Variants in VPS37A observed in about 807,000 individuals in gnomAD.
The protein encoded by VPS37A is vacuolar protein sorting-associated protein 37A.
VPS37A carries 30 observed loss-of-function variants against 49.8 expected under a neutral mutation model. The observed-to-expected ratio is 0.60, with a 90% confidence interval of 0.45 to 0.82. The LOEUF (loss-of-function observed/expected upper bound fraction) is 0.82. VPS37A is among the 40% of genes least tolerant of loss of function. The pLI is 0.00. For synonymous variants in VPS37A, 195 were observed against 160.6 expected (o/e 1.21, Z -1.62); for missense variants, 593 against 464.4 (o/e 1.28, Z -2.55).
intron 1 of VPS37A, among the ~76,000 whole-genome samples, chr8:17,251,570 C>T (rs1321577606): frequency 1.3e-5 from 2 of 151,604 alleles, no homozygotes. Context: ...AGCTTACCTA[C>T]AACTTATCTG....
intron 4 of VPS37A, among the ~76,000 whole-genome samples, chr8:17,273,859 A>G (rs1383257502): frequency 6.6e-6 from 1 of 152,234 alleles, no homozygotes; most frequent in Non-Finnish European, 1.5e-5. Context: ...ATAAAAAATT[A>G]ATACATTTTG....
intron 1 of VPS37A, among the ~76,000 whole-genome samples, chr8:17,254,283 C>T (rs1812233339): frequency 6.6e-6 from 1 of 152,118 alleles, no homozygotes; most frequent in African/African-American, 2.4e-5. Context: ...AGGAGGCTTC[C>T]TGGGGAGTCA....
intron 1 of VPS37A, among the ~76,000 whole-genome samples, chr8:17,253,557 A>G (rs1388625820): frequency 2.0e-5 from 3 of 152,178 alleles, no homozygotes; most frequent in African/African-American, 7.2e-5. Flanking sequence ...AACTTGTGTT[A>G]TTTTGTATCT....
At chr8:17,279,692 GAGTTA>G (rs1368671914) in intron 6 of VPS37A, 1 of 416,206 alleles carries the variant, frequency 2.4e-6, no homozygotes, top group Non-Finnish European at 4.7e-6. Context: ...TTCTTTACCT[GAGTTA>G]AGTTGACTTT....
At chr8:17,311,709 G>T in the VPS37A span, 2 of 1,599,608 alleles carry the variant, frequency 1.3e-6, no homozygotes, top group South Asian at 1.1e-5. Flanking sequence ...TCACAGCCAG[G>T]TTTGACTGTA....
the VPS37A span, among the ~76,000 whole-genome samples, chr8:17,327,641 TAA>T: frequency 4.7e-5 from 7 of 148,630 alleles, no homozygotes; most frequent in African/African-American, 1.7e-4. Flanking sequence ...AGAAACCTGG[TAA>T]AAAAAAAAAC....
intron 1 of VPS37A, among the ~76,000 whole-genome samples, chr8:17,251,204 G>A (rs1811943935): frequency 6.6e-6 from 1 of 152,170 alleles, no homozygotes; most frequent in African/African-American, 2.4e-5. Context: ...TGTGGAAGCA[G>A]GACTCTTGGT....
At chr8:17,283,546 C>A (rs1218983071) in intron 9 of VPS37A, among the ~76,000 whole-genome samples, 1 of 152,116 alleles carries the variant, frequency 6.6e-6, no homozygotes, top group Non-Finnish European at 1.5e-5. Flanking sequence ...AGGTAAGGGT[C>A]CAACTTTTTT....
At chr8:17,288,375 C>G (rs1404153644) in intron 11 of VPS37A, among the ~76,000 whole-genome samples, 5 of 152,064 alleles carry the variant, frequency 3.3e-5, no homozygotes, top group Non-Finnish European at 7.4e-5. Context: ...TCTCCTTGCC[C>G]CCAACTCCCC....
At chr8:17,318,975 C>T in the VPS37A span, among the ~76,000 whole-genome samples, 15 of 152,358 alleles carry the variant, frequency 9.8e-5, no homozygotes, top group African/African-American at 2.6e-4. Context: ...TCGAACTCAC[C>T]GACACTTCCA....
chr8:17,282,951 G>T (rs1815225992), intron 9 of VPS37A, among the ~76,000 whole-genome samples: 1 of 152,010 alleles, frequency 6.6e-6, no homozygotes, highest in Non-Finnish European at 1.5e-5. Flanking sequence ...CACATAATAG[G>T]TACTCAATAA....
At chr8:17,300,059 G>T (rs747210051), downstream of VPS37A, 3 of 1,614,134 alleles carry the variant, frequency 1.9e-6, no homozygotes, top group African/African-American at 1.3e-5. Context: ...TCATCGCCTT[G>T]TGAAGGGCTC....
chr8:17,302,390 G>A (rs1275795166), downstream of VPS37A: 7 of 1,231,552 alleles, frequency 5.7e-6, no homozygotes, highest in Non-Finnish European at 7.6e-6. Context: ...ATAACCAAAT[G>A]CAAATTTCAG....
the VPS37A span, among the ~76,000 whole-genome samples, chr8:17,307,599 C>T: frequency 7.2e-5 from 11 of 152,156 alleles, no homozygotes; most frequent in South Asian, 4.1e-4. Context: ...ATGTTTATAG[C>T]GGCACTATTC....
chr8:17,282,091 C>CTT (rs1317609097), intron 9 of VPS37A, among the ~76,000 whole-genome samples: 1 of 151,582 alleles, frequency 6.6e-6, no homozygotes, highest in African/African-American at 2.4e-5. Flanking sequence ...TCAGGAAGAG[C>CTT]TTGAACAAAA....
downstream of VPS37A, among the ~76,000 whole-genome samples, chr8:17,306,963 C>A (rs995782731): frequency 1.3e-5 from 2 of 152,144 alleles, no homozygotes; most frequent in African/African-American, 4.8e-5. Flanking sequence ...CAATACCATT[C>A]AGGACATAGG....
chr8:17,325,975 A>G, the VPS37A span, among the ~76,000 whole-genome samples: 1 of 152,236 alleles, frequency 6.6e-6, no homozygotes, highest in Non-Finnish European at 1.5e-5. Flanking sequence ...AAAGCACTTT[A>G]TAGTTTGCAA....
In VPS37A at chr8:17,253,023, G is replaced by A. The variant is rs186154262; in HGVS notation, c.125+5654G>A. 8.5e-5 allele frequency among the ~76,000 whole-genome samples: 13 copies of A among 152,210 alleles called. 1 individual carries two copies. The South Asian group carries it at 2.1e-3, about 24-fold the overall frequency. On this transcript the variant is annotated intron_variant, in intron 1 of 11. Coordinates refer to ENST00000324849, the MANE Select transcript of VPS37A (RefSeq NM_152415.3). ...TGATTAAGACGTATAATTGCAGAGC[G>A]TATGACGCAATAAAGCATGGTACCA...
chr8:17,286,186 C>T (rs909361808), intron 10 of VPS37A, among the ~76,000 whole-genome samples, 161 bp from the exon 11 acceptor site: 3 of 152,152 alleles, frequency 2.0e-5, no homozygotes, highest in Admixed American at 1.3e-4. Context: ...TGAATTTGCT[C>T]ATAATTTGAT....
Sources: allele counts gnomAD v4.1 joint callset (sites outside exome capture counted in the v4.1 genomes callset), GRCh38; gene constraint gnomAD v4.1.1; transcripts MANE v1.5; gene names NCBI Gene and HGNC (gene_info 2026-07-23, HGNC 2026-07-21).